ZNF385D: variants seen among roughly 807,000 people sequenced by gnomAD.
ZNF385D encodes zinc finger protein 385D.
Under a neutral mutation model 35.8 loss-of-function variants are expected in ZNF385D, and 15 were observed. That is an observed-to-expected ratio of 0.42 (90% CI 0.28 to 0.64). The LOEUF is 0.64. ZNF385D is among the 30% of genes least tolerant of loss of function. The pLI is 0.23. For missense variants in ZNF385D, 474 were observed against 494.6 expected (o/e 0.96, Z 0.39); for synonymous variants, 212 against 186.8 (o/e 1.13, Z -1.10).
intron 3 of ZNF385D, among the ~76,000 whole-genome samples, chr3:21,982,409 T>C (rs2125373101): frequency 6.6e-6 from 1 of 152,266 alleles, no homozygotes; most frequent in South Asian, 2.1e-4. Flanking sequence ...CTAGGAATGC[T>C]AAGTGAGTTT....
intron 3 of ZNF385D, among the ~76,000 whole-genome samples, chr3:21,865,683 C>G (rs1679222): frequency 6.6e-6 from 1 of 151,980 alleles, no homozygotes. Context: ...GTTTGAGGAA[C>G]TTAGTTTATG....
At chr3:21,923,050 ATACTTT>A (rs1156323843) in intron 3 of ZNF385D, among the ~76,000 whole-genome samples, 1 of 152,006 alleles carries the variant, frequency 6.6e-6, no homozygotes, top group African/African-American at 2.4e-5. Flanking sequence ...TTTTTTTATT[ATACTTT>A]AAGTTTTAGG....
rs908240554 is a variant in ZNF385D at position 22,264,015 on chromosome 3, C to T, written c.107-94980G>A. On this transcript the variant is annotated intron_variant, in intron 2 of 5. Transcript: ENST00000494108. Reference sequence around the variant, plus strand: ...CCTGCTTATTGTCTAGCTGTCATAACTGTAGTCATGAGCAATGTGAATATA... The same window carrying T: ...CCTGCTTATTGTCTAGCTGTCATAATTGTAGTCATGAGCAATGTGAATATA... 3.3e-5 allele frequency among the ~76,000 whole-genome samples: 5 copies of T among 152,066 alleles called. No individual in the cohort carries two copies. The East Asian group carries it at 9.7e-4, about 30-fold the overall frequency.
At chr3:21,923,502 A>G (rs1348208542) in intron 3 of ZNF385D, among the ~76,000 whole-genome samples, 2 of 152,200 alleles carry the variant, frequency 1.3e-5, no homozygotes, top group Non-Finnish European at 2.9e-5. Flanking sequence ...CAATCCCATT[A>G]CTGCATATAG....
intron 2 of ZNF385D, among the ~76,000 whole-genome samples, chr3:21,611,839 G>A (rs750038556): frequency 1.3e-5 from 2 of 151,874 alleles, no homozygotes; most frequent in African/African-American, 2.4e-5. Context: ...CAAGACCTGA[G>A]ACCTGAGCAC....
At chr3:21,471,303 A>T (rs1346985926) in intron 4 of ZNF385D, among the ~76,000 whole-genome samples, 1,463 of 63,942 alleles carry the variant, frequency 0.023, 20 homozygotes, top group East Asian at 0.11. Flanking sequence ...TCTCACACAC[A>T]CACACACACA....
chr3:22,160,446 T>C (rs1394090667), intron 3 of ZNF385D, among the ~76,000 whole-genome samples: 1 of 151,978 alleles, frequency 6.6e-6, no homozygotes, highest in African/African-American at 2.4e-5. Flanking sequence ...AGGCCTGAAG[T>C]ACGATAAAAA....
chr3:21,830,054 G>A (rs1014794933), intron 3 of ZNF385D, among the ~76,000 whole-genome samples: 3 of 152,006 alleles, frequency 2.0e-5, no homozygotes, highest in African/African-American at 7.2e-5. Context: ...AACTCAGGAG[G>A]CAGAGGTTGC....
At chr3:21,482,996 T>C (rs553855916) in intron 4 of ZNF385D, among the ~76,000 whole-genome samples, 2 of 152,160 alleles carry the variant, frequency 1.3e-5, no homozygotes, top group Non-Finnish European at 2.9e-5. Context: ...CTAGAGATTA[T>C]ATTCACATTT....
At chr3:21,973,141 G>A (rs548018464) in intron 3 of ZNF385D, among the ~76,000 whole-genome samples, 3 of 151,876 alleles carry the variant, frequency 2.0e-5, no homozygotes, top group East Asian at 1.9e-4. Context: ...CAATATCCCC[G>A]ATGAACACTG....
intron 3 of ZNF385D, among the ~76,000 whole-genome samples, chr3:21,944,516 G>C (rs568031817): frequency 6.6e-6 from 1 of 152,290 alleles, no homozygotes; most frequent in South Asian, 2.1e-4. Context: ...CTGGTGGTTC[G>C]CAAGGAAAGG....
intron 3 of ZNF385D, among the ~76,000 whole-genome samples, chr3:21,930,344 A>T (rs937289792): frequency 2.0e-5 from 3 of 151,906 alleles, no homozygotes; most frequent in African/African-American, 7.2e-5. Flanking sequence ...AAACCTTTGG[A>T]AGAATATATA....
intron 2 of ZNF385D, among the ~76,000 whole-genome samples, chr3:21,634,212 AAGAGAG>A (rs767873842): frequency 6.6e-6 from 1 of 151,430 alleles, no homozygotes; most frequent in East Asian, 1.9e-4. Context: ...AATAGAAAGA[AAGAGAG>A]AAAGAGAAAG....
intron 2 of ZNF385D, among the ~76,000 whole-genome samples, chr3:21,640,262 T>G (rs2065564265): frequency 1.3e-5 from 2 of 152,070 alleles, no homozygotes; most frequent in Non-Finnish European, 2.9e-5. Flanking sequence ...GTTCCCTGGC[T>G]TTTTTCCACT....
intron 2 of ZNF385D, among the ~76,000 whole-genome samples, chr3:21,621,089 G>T (rs2064993175): frequency 6.6e-6 from 1 of 151,986 alleles, no homozygotes; most frequent in Admixed American, 6.6e-5. Context: ...AAAAATCTGT[G>T]CTACTTACAA....
chr3:22,340,278 G>T (rs572192048), intron 2 of ZNF385D, among the ~76,000 whole-genome samples: 1 of 152,156 alleles, frequency 6.6e-6, no homozygotes, highest in South Asian at 2.1e-4. Flanking sequence ...ACAGGTCTGG[G>T]TTCTAAAATG....
intron 4 of ZNF385D, among the ~76,000 whole-genome samples, chr3:21,476,434 C>G (rs1704254027): frequency 6.6e-6 from 1 of 152,022 alleles, no homozygotes; most frequent in Admixed American, 6.6e-5. Context: ...CCTGATCCAA[C>G]CCTCACATAC....
chr3:22,027,889 T>C, intron 3 of ZNF385D, among the ~76,000 whole-genome samples: 1 of 152,118 alleles, frequency 6.6e-6, no homozygotes. Context: ...TCACAGATGG[T>C]TCTGCACTAT....
chr3:21,946,676 A>G (rs1411059221), intron 3 of ZNF385D, among the ~76,000 whole-genome samples: 1 of 152,038 alleles, frequency 6.6e-6, no homozygotes, highest in African/African-American at 2.4e-5. Flanking sequence ...TATTAAAACT[A>G]CAAATATTAG....
Sources: gnomAD v4.1 joint callset for allele counts (sites outside exome capture counted in the v4.1 genomes callset) on GRCh38, gnomAD v4.1.1 for gene constraint, MANE v1.5 for transcripts, NCBI Gene and HGNC (gene_info 2026-07-23, HGNC 2026-07-21) for gene names.